The following DAAM1 variants were observed in gnomAD, a reference collection of about 807,000 sequenced individuals.
The protein encoded by DAAM1 is disheveled-associated activator of morphogenesis 1.
Under a neutral mutation model 130.0 loss-of-function variants are expected in DAAM1, and 52 were observed. The ratio of observed to expected loss-of-function variants is 0.40; its 90% CI spans 0.32 to 0.50. DAAM1 has a LOEUF of 0.50. Ranked by LOEUF, DAAM1 falls within the 20% of genes least tolerant of loss-of-function variation. The probability of loss-of-function intolerance (pLI) is 0.61; values close to 1 mark genes in which losing one functional copy is unlikely to be tolerated. For missense variants in DAAM1, 1,134 were observed against 1,303.8 expected (o/e 0.87, Z 2.01); for synonymous variants, 452 against 444.5 (o/e 1.02, Z -0.21).
intron 1 of DAAM1, among the ~76,000 whole-genome samples, chr14:59,228,878 T>C (rs1406440033): frequency 1.3e-5 from 2 of 152,248 alleles, no homozygotes; most frequent in Non-Finnish European, 2.9e-5. Flanking sequence ...TGGATTCTAG[T>C]GGCAGTCCAT....
intron 3 of DAAM1, among the ~76,000 whole-genome samples, chr14:59,310,203 C>T (rs901617878): frequency 2.0e-5 from 3 of 151,478 alleles, no homozygotes; most frequent in Non-Finnish European, 2.9e-5. Flanking sequence ...CTCCGCCTCC[C>T]GGTTCAAGCG....
chr14:59,315,721 A>AT (rs1884767366), intron 4 of DAAM1, among the ~76,000 whole-genome samples: 1 of 152,184 alleles, frequency 6.6e-6, no homozygotes, highest in Non-Finnish European at 1.5e-5. Flanking sequence ...AAATAATATG[A>AT]TTAAGCGATT....
At chr14:59,301,161 C>T (rs572056064) in intron 3 of DAAM1, among the ~76,000 whole-genome samples, 1 of 152,164 alleles carries the variant, frequency 6.6e-6, no homozygotes, top group South Asian at 2.1e-4. Flanking sequence ...AAGAAACTGT[C>T]ATTAAAGTTT....
chr14:59,275,408 C>T (rs1249108484), intron 2 of DAAM1, among the ~76,000 whole-genome samples: 1 of 151,846 alleles, frequency 6.6e-6, no homozygotes, highest in African/African-American at 2.4e-5. Flanking sequence ...ATACAACAAA[C>T]CTGCACGTGT....
At chr14:59,289,770 A>AGATATATATATAGATATATATATATC (rs1883644912) in intron 2 of DAAM1, among the ~76,000 whole-genome samples, 1 of 56,330 alleles carries the variant, frequency 1.8e-5, no homozygotes, top group Non-Finnish European at 5.5e-5. Flanking sequence ...AAAATGTGAT[A>AGATATATATATAGATATATATATATC]TATATATATA....
intron 20 of DAAM1, 54 bp from the exon 21 acceptor site, chr14:59,359,343 A>G: frequency 8.0e-7 from 1 of 1,249,040 alleles, no homozygotes; most frequent in Non-Finnish European, 1.1e-6. Flanking sequence ...ATATTTATGT[A>G]GTTTAAATGA....
At chr14:59,319,358 T>G (rs1884913997) in intron 4 of DAAM1, among the ~76,000 whole-genome samples, 1 of 152,226 alleles carries the variant, frequency 6.6e-6, no homozygotes, top group South Asian at 2.1e-4. Context: ...GAAATCATAT[T>G]TAGCTTTTAG....
intron 1 of DAAM1, among the ~76,000 whole-genome samples, chr14:59,207,300 G>T (rs1026174822): frequency 2.6e-5 from 4 of 152,220 alleles, no homozygotes; most frequent in Non-Finnish European, 5.9e-5. Context: ...CATTTGTTTT[G>T]CTATGGACAA....
At chr14:59,197,236 T>C (rs1887929012) in intron 1 of DAAM1, among the ~76,000 whole-genome samples, 1 of 152,226 alleles carries the variant, frequency 6.6e-6, no homozygotes, top group South Asian at 2.1e-4. Flanking sequence ...CAAATGCAAC[T>C]ACAGTTAACT....
At chr14:59,270,273 G>A (rs1882651043) in intron 2 of DAAM1, among the ~76,000 whole-genome samples, 1 of 152,228 alleles carries the variant, frequency 6.6e-6, no homozygotes, top group Non-Finnish European at 1.5e-5. Context: ...GAAGGCTCAA[G>A]ATTGAGCATC....
chr14:59,216,710 A>C (rs954317135), intron 1 of DAAM1, among the ~76,000 whole-genome samples: 13 of 151,538 alleles, frequency 8.6e-5, no homozygotes, highest in Admixed American at 2.0e-4. Context: ...AGAGAGCGAG[A>C]CTCTGTCTCA....
chr14:59,326,143 C>G, intron 10 of DAAM1, 66 bp downstream of exon 10: 1 of 1,464,342 alleles, frequency 6.8e-7, no homozygotes, highest in South Asian at 1.1e-5. Flanking sequence ...TGGGTTCTGG[C>G]TCCTGCACAG....
At chr14:59,323,860 G>A (rs567825380) in intron 6 of DAAM1, among the ~76,000 whole-genome samples, 6 of 151,852 alleles carry the variant, frequency 4.0e-5, no homozygotes, top group South Asian at 4.2e-4. Flanking sequence ...GTGAAACCCC[G>A]TCTCTACTAA....
intron 15 of DAAM1, among the ~76,000 whole-genome samples, 179 bp from the exon 16 acceptor site, chr14:59,339,895 A>G (rs1345065046): frequency 6.6e-6 from 1 of 152,176 alleles, no homozygotes. Flanking sequence ...CCCTTTACCA[A>G]CTAGACTGTA....
chr14:59,277,673 C>T (rs1883030422), intron 2 of DAAM1, among the ~76,000 whole-genome samples: 1 of 151,868 alleles, frequency 6.6e-6, no homozygotes, highest in Non-Finnish European at 1.5e-5. Flanking sequence ...AATCATTTTC[C>T]TTTGACTTTT....
chr14:59,259,436 A>G (rs766816250), intron 1 of DAAM1, among the ~76,000 whole-genome samples: 3 of 152,110 alleles, frequency 2.0e-5, no homozygotes, highest in Admixed American at 6.5e-5. Context: ...GTCCTTGCCT[A>G]TTTTAGCTTA....
At position 59,303,833 on chromosome 14, in the gene DAAM1, G is replaced by A. The variant is rs928756081; in HGVS notation, c.274-11447G>A. On this transcript the variant is annotated intron_variant, in intron 3 of 24. Coordinates refer to ENST00000360909, the MANE Select transcript of DAAM1 (RefSeq NM_001270520.2). ...GAGAATTGCTTGAACCCAGGAGGCG[G>A]AGGTTGCAGTGAGCCAAAATTGCAC... Among the ~76,000 whole-genome samples, 59 of 152,192 alleles carry A rather than the reference G, an allele frequency of 3.9e-4. 2 individuals are homozygous for A. The highest frequency in any genetic ancestry group is 6.9e-4 in the Non-Finnish European group (47 of 68,040).
intron 1 of DAAM1, among the ~76,000 whole-genome samples, chr14:59,259,696 C>T (rs1241865945): frequency 1.3e-5 from 2 of 152,206 alleles, no homozygotes; most frequent in African/African-American, 4.8e-5. Flanking sequence ...TAAGTAATGA[C>T]TCCCATGTCC....
chr14:59,276,403 C>G (rs1882971320), intron 2 of DAAM1, among the ~76,000 whole-genome samples: 1 of 152,124 alleles, frequency 6.6e-6, no homozygotes, highest in African/African-American at 2.4e-5. Context: ...AGCTTCTTCC[C>G]CTTGATGTTG....
Sources: gnomAD v4.1 joint callset for allele counts (sites outside exome capture counted in the v4.1 genomes callset) on GRCh38, gnomAD v4.1.1 for gene constraint, MANE v1.5 for transcripts, NCBI Gene and HGNC (gene_info 2026-07-23, HGNC 2026-07-21) for gene names.